The following FGF20 variants were observed in gnomAD, a reference collection of about 807,000 sequenced individuals.
FGF20 encodes fibroblast growth factor 20.
In FGF20, 8 loss-of-function variants were observed where a neutral mutation model predicts 16.7. The ratio of observed to expected loss-of-function variants is 0.48; its 90% CI spans 0.28 to 0.87. The LOEUF is 0.87. Among genes scored for constraint, FGF20 ranks in the 40% least tolerant of loss-of-function variants. The pLI is 0.10. For synonymous variants in FGF20, 161 were observed against 118.6 expected, an observed-to-expected ratio of 1.36 and a Z score of -2.32; for missense variants, 397 against 281.4, an observed-to-expected ratio of 1.41 and a Z score of -2.94.
rs1452295762 is a variant in FGF20 at position 17,001,994 on chromosome 8, G to A, written c.39C>T (p.Gly13=). The change falls in exon 1 of 3, where the codon GGC becomes GGT. Residue 13 remains glycine, a synonymous_variant. Coordinates refer to ENST00000180166, the MANE Select transcript of FGF20 (RefSeq NM_019851.3). ...CCACCTGCTGGCCCAAGCCCTCCAG[G>A]CCGCCCAGAAAGCCCCCGACTTCGG... ...PLAEVGGFLG[G]LEGLGQQVGS... 37 of 1,528,622 alleles carry A rather than the reference G, an allele frequency of 2.4e-5. No homozygotes were observed. Among genetic ancestry groups the A allele is most frequent in the Non-Finnish European group, 2.8e-5 (32 of 1,138,148 alleles). The allele number at this position is 1,528,622 out of a possible 1,614,324, so 94.7% of individuals were successfully genotyped here.
In FGF20 at chr8:16,992,915, T is replaced by A. The variant is rs1809948256; in HGVS notation, c.*157A>T. On this transcript the variant is annotated 3_prime_UTR_variant, in exon 3 of 3. Transcript: ENST00000180166. ...GATCTATTTCTAGTCAAAATTTTTT[T>A]TGGTTTTTTTTCTCAATATTCTTTC... is the stretch of plus-strand genomic sequence containing the variant. 3.6e-6 allele frequency: 3 copies of A among 840,728 alleles called. No individual in the cohort carries two copies. The highest frequency in any genetic ancestry group is 5.4e-6 in the Non-Finnish European group (3 of 553,196). 52.1% of individuals were successfully genotyped at this position (840,728 alleles called of 1,614,324 possible). A position where few individuals can be genotyped will look rare whatever the true frequency, so the allele number is the denominator to read the frequency against.
At chr8:16,997,787 G>C (rs1810089508) in intron 1 of FGF20, among the ~76,000 whole-genome samples, 1 of 152,142 alleles carries the variant, frequency 6.6e-6, no homozygotes, top group Non-Finnish European at 1.5e-5. Context: ...AAGTTCATTA[G>C]CAAAAGAGTC....
chr8:16,999,717 T>C (rs1484002431), intron 1 of FGF20, among the ~76,000 whole-genome samples: 4 of 149,414 alleles, frequency 2.7e-5, no homozygotes, highest in Admixed American at 2.7e-4. Context: ...ATTTTTTGTA[T>C]TTTTAGTAGA....
In FGF20 at chr8:17,002,062, C is replaced by T; in HGVS notation, c.-30G>A. On this transcript the variant is annotated 5_prime_UTR_variant, in exon 1 of 3. Transcript: ENST00000180166. ...GGGGAGATCCGGAACACAAAAGACC[C>T]CCCCAGTAAAGAGTGTTGTGGGGGT... 1 of 1,508,706 alleles carries T rather than the reference C, an allele frequency of 6.6e-7. No homozygotes were observed. The highest frequency in any genetic ancestry group is 1.3e-5 in the South Asian group (1 of 78,786). 93.5% of individuals were successfully genotyped at this position (1,508,706 alleles called of 1,614,324 possible).
Position 16,992,873 on chromosome 8 carries a change from A to T in FGF20, c.*199T>A, listed in dbSNP as rs965734689. On this transcript the variant is annotated 3_prime_UTR_variant, in exon 3 of 3. Transcript: ENST00000180166. ...ATGTATCTAAGGGAACTTAATCCAC[A>T]TATAAAGAGTGATCATGATCTATTT... is the stretch of plus-strand genomic sequence containing the variant. The T allele has an allele frequency of 1.7e-6, 1 of 605,322 alleles. No individual in the cohort carries two copies. The highest frequency in any genetic ancestry group is 1.9e-5 in the African/African-American group (1 of 53,640). The allele number at this position is 605,322 out of a possible 1,614,324, so 37.5% of individuals were successfully genotyped here. A position where few individuals can be genotyped will look rare whatever the true frequency, so the allele number is the denominator to read the frequency against.
chr8:16,993,207 C>G lies in FGF20; in HGVS notation c.501G>C (p.Val167=). 1 of 1,614,012 alleles carries G rather than the reference C, an allele frequency of 6.2e-7. No individual in the cohort carries two copies. Among genetic ancestry groups the G allele is most frequent in the Non-Finnish European group, 8.5e-7 (1 of 1,179,990 alleles). The part of the protein sequence containing the change: ...KHGDTGRRYF[V]ALNKDGTPRD... ...TTGGAGTTCCGTCTTTGTTAAGTGCCACAAAATACCTGCGGCCAGTGTCTC... is the reference window on the plus strand; with the variant it reads ...TTGGAGTTCCGTCTTTGTTAAGTGCGACAAAATACCTGCGGCCAGTGTCTC... The change falls in exon 3 of 3, where the codon GTG becomes GTC. Residue 167 remains valine (V), a synonymous_variant. Transcript: ENST00000180166.
intron 1 of FGF20, among the ~76,000 whole-genome samples, chr8:17,000,116 C>T (rs1407816989): frequency 6.6e-6 from 1 of 151,982 alleles, no homozygotes; most frequent in Non-Finnish European, 1.5e-5. Flanking sequence ...AATCCCAGTA[C>T]TTTGGGAGGC....
In FGF20 at chr8:16,995,639, TA is replaced by T; in HGVS notation, c.390+15del. Reference sequence around the variant, plus strand: ...TAAGAATTACAATAATAATAAAAAATAAAAATAATACGTACTGATCCATAGA... The same window carrying T: ...TAAGAATTACAATAATAATAAAAAATAAAATAATACGTACTGATCCATAGA... On this transcript the variant is annotated intron_variant, in intron 2 of 2. Transcript: ENST00000180166. The T allele has an allele frequency of 8.6e-7, 1 of 1,166,204 alleles. No individual in the cohort carries two copies. The highest frequency in any genetic ancestry group is 1.2e-6 in the Non-Finnish European group (1 of 828,764). 72.2% of individuals were successfully genotyped at this position (1,166,204 alleles called of 1,614,324 possible).
Position 17,001,795 on chromosome 8 carries a change from G to C in FGF20, c.238C>G (p.Leu80Val). Residue 80 changes from leucine to valine, a missense_variant, in exon 1 of 3, where the codon CTG becomes GTG. Transcript: ENST00000180166. ...YCRTGFHLQI[L>V]PDGSVQGTRQ... ...GTGCCCTGCACGCTGCCGTCGGGCA[G>C]GATCTGCAGGTGGAAGCCGGTGCGG... 1 of 1,568,604 alleles carries C rather than the reference G, an allele frequency of 6.4e-7. No homozygotes were observed. The highest frequency in any genetic ancestry group is 8.6e-7 in the Non-Finnish European group (1 of 1,161,624).
chr8:16,993,973 C>T (rs938237590), intron 2 of FGF20, among the ~76,000 whole-genome samples: 1 of 152,150 alleles, frequency 6.6e-6, no homozygotes, highest in Non-Finnish European at 1.5e-5. Flanking sequence ...GCCTGCTGCT[C>T]ACCTCCTGCT....
intron 1 of FGF20, among the ~76,000 whole-genome samples, chr8:16,998,663 G>C (rs973044108): frequency 1.3e-5 from 2 of 151,986 alleles, no homozygotes; most frequent in Admixed American, 6.5e-5. Flanking sequence ...AAACAGGTGA[G>C]TCAACCCACA....
rs1223494408 is a variant in FGF20 at position 16,995,761 on chromosome 8, G to A, written c.287-3C>T. On this transcript the variant is annotated splice_polypyrimidine_tract_variant and splice_region_variant and intron_variant, in intron 1 of 2. Transcript: ENST00000180166. ...CACACTGATGAATTCCAAGATACCT[G>A]CATATGTAAACAATTCATAAAAACA... 1 of 1,534,210 alleles carries A rather than the reference G, an allele frequency of 6.5e-7. No individual in the cohort carries two copies. The highest frequency in any genetic ancestry group is 9.0e-7 in the Non-Finnish European group (1 of 1,113,114).
chr8:16,992,412 A>G lies in FGF20; in HGVS notation c.*660T>C, dbSNP rs1809934349. 6 of 152,028 alleles carry G rather than the reference A, an allele frequency of 3.9e-5. 1 individual carries two copies. In the South Asian group the frequency reaches 1.2e-3, roughly 31 times the overall value. 9.4% of individuals were successfully genotyped at this position (152,028 alleles called of 1,614,324 possible). Reference sequence around the variant, plus strand: ...CACCACAATAAAGTAATGGCACAATAACGGAAGTTTTGTTGTTTTTTACTC... The same window carrying G: ...CACCACAATAAAGTAATGGCACAATGACGGAAGTTTTGTTGTTTTTTACTC... On this transcript the variant is annotated 3_prime_UTR_variant, in exon 3 of 3. Transcript: ENST00000180166.
At chr8:16,994,882 G>A (rs75343027) in intron 2 of FGF20, among the ~76,000 whole-genome samples, 92 of 152,036 alleles carry the variant, frequency 6.1e-4, no homozygotes, top group African/African-American at 2.0e-3. Context: ...ATGAAAAAAT[G>A]TTAACAATGA....
Position 16,993,185 on chromosome 8 carries a change from G to C in FGF20, c.523C>G (p.Pro175Ala), listed in dbSNP as rs10089600. 4.2e-4 allele frequency: 672 copies of C among 1,613,992 alleles called. 4 individuals carry two copies. The African/African-American group carries it at 7.9e-3, about 19-fold the overall frequency. The change falls in exon 3 of 3, where the codon CCA (proline) becomes GCA (alanine). Residue 175 changes from proline to alanine, a missense_variant. Pro to Ala is a conservative substitution (Grantham distance 27). Transcript: ENST00000180166. Reference protein sequence around the residue: ...YFVALNKDGTPRDGARSKRHQ... With the variant: ...YFVALNKDGTARDGARSKRHQ... Reference sequence around the variant, plus strand: ...CTCTTGGACCTGGCGCCATCTCTTGGAGTTCCGTCTTTGTTAAGTGCCACA... The same window carrying C: ...CTCTTGGACCTGGCGCCATCTCTTGCAGTTCCGTCTTTGTTAAGTGCCACA...
At position 16,993,030 on chromosome 8, in the gene FGF20, A is replaced by T; in HGVS notation, c.*42T>A. On this transcript the variant is annotated 3_prime_UTR_variant, in exon 3 of 3. Transcript: ENST00000180166. ...TATGATGGGAACTATGACAAGAAAGAATGGTTGTGGTTTGACTCTTCCATA... is the reference window on the plus strand; with the variant it reads ...TATGATGGGAACTATGACAAGAAAGTATGGTTGTGGTTTGACTCTTCCATA... 2 of 1,589,726 alleles carry T rather than the reference A, an allele frequency of 1.3e-6. No individual in the cohort carries two copies. The highest frequency in any genetic ancestry group is 1.7e-6 in the Non-Finnish European group (2 of 1,168,630).
At chr8:16,998,607 C>T (rs3850752) in intron 1 of FGF20, among the ~76,000 whole-genome samples, 124,527 of 152,062 alleles carry the variant, frequency 0.82, 51,513 homozygotes, top group East Asian at 1. Flanking sequence ...AGGTACTTTG[C>T]CTTTCTGGTA....
Position 16,992,200 on chromosome 8 carries a change from C to T in FGF20, c.*872G>A, listed in dbSNP as rs1275367989. 6.6e-6 allele frequency: 1 copy of T among 152,080 alleles called. No homozygotes were observed. The highest frequency in any genetic ancestry group is 1.5e-5 in the Non-Finnish European group (1 of 68,032). 9.4% of individuals were successfully genotyped at this position (152,080 alleles called of 1,614,324 possible). On this transcript the variant is annotated 3_prime_UTR_variant, in exon 3 of 3. Transcript: ENST00000180166. ...ACACTGCATGAAAATGTTTAATTCCCTTTTGAATGTGTGTTGAATTTAATA... is the reference window on the plus strand; with the variant it reads ...ACACTGCATGAAAATGTTTAATTCCTTTTTGAATGTGTGTTGAATTTAATA...
chr8:16,999,225 G>A (rs1260829673), intron 1 of FGF20, among the ~76,000 whole-genome samples: 1 of 152,100 alleles, frequency 6.6e-6, no homozygotes, highest in Non-Finnish European at 1.5e-5. Flanking sequence ...CCTATACATA[G>A]TCTCCCACCA....
Sources: gnomAD v4.1 joint callset for allele counts (sites outside exome capture counted in the v4.1 genomes callset) on GRCh38, gnomAD v4.1.1 for gene constraint, MANE v1.5 for transcripts, NCBI Gene and HGNC (gene_info 2026-07-23, HGNC 2026-07-21) for gene names.